EXD3: variants seen among roughly 807,000 people sequenced by gnomAD.
The protein encoded by EXD3 is exonuclease 3'-5' domain containing 3.
Under a neutral mutation model 98.0 loss-of-function variants are expected in EXD3, and 92 were observed. That is an observed-to-expected ratio of 0.94 (90% confidence interval 0.79 to 1.12). The LOEUF is 1.12. Ranked by LOEUF, EXD3 falls within the 50% of genes most tolerant of loss-of-function variation. The pLI, the probability that EXD3 is intolerant of heterozygous loss-of-function variation, is 0.00. For synonymous variants in EXD3, 569 were observed against 526.0 expected, an observed-to-expected ratio of 1.08 and a Z score of -1.12; for missense variants, 1,222 against 1,191.6, an observed-to-expected ratio of 1.03 and a Z score of -0.38.
At chr9:137,312,951 C>T (rs1326941882) in intron 19 of EXD3, among the ~76,000 whole-genome samples, 2 of 152,206 alleles carry the variant, frequency 1.3e-5, no homozygotes, top group African/African-American at 2.4e-5. Flanking sequence ...GTCACACCCA[C>T]TGCCCCAGGC....
chr9:137,411,047 C>T (rs910487450), intron 1 of EXD3, among the ~76,000 whole-genome samples: 3 of 152,202 alleles, frequency 2.0e-5, no homozygotes, highest in South Asian at 2.1e-4. Context: ...CTGCCCTGTG[C>T]GCTGAGCAGG....
rs201023361 is a variant in EXD3 at position 137,324,108 on chromosome 9, C to T, written c.2034G>A (p.Ser678=). 332 of 1,588,372 alleles carry T rather than the reference C, an allele frequency of 2.1e-4. 1 individual carries two copies. In the African/African-American group the frequency reaches 3.8e-3, roughly 18 times the overall value. ...ARQEGRIILT[S]GQPFHKLRAQ... ...CACTCACCTTGTGGAATGGCTGCCC[C>T]GACGTCAGAATGATCCTCCCCTCCT... The change falls in exon 18 of 22, where the codon TCG becomes TCA. Residue 678 remains serine (S), a synonymous_variant. Coordinates refer to ENST00000340951, the MANE Select transcript of EXD3 (RefSeq NM_017820.5). The surrounding 1 kb of genome is among the most constrained non-coding windows in gnomAD (Gnocchi z 4.1).
At chr9:137,354,932 G>T (rs1380270719) in intron 8 of EXD3, among the ~76,000 whole-genome samples, 159 bp from the exon 9 acceptor site, 1 of 152,176 alleles carries the variant, frequency 6.6e-6, no homozygotes, top group Non-Finnish European at 1.5e-5. Context: ...CTGGGCCTCT[G>T]CTGGGGTCCA....
intron 10 of EXD3, 94 bp downstream of exon 10, chr9:137,354,245 C>G (rs1834484311): frequency 6.5e-7 from 1 of 1,541,618 alleles, no homozygotes; most frequent in Admixed American, 1.9e-5. Context: ...AAGGCCTCAG[C>G]TCTGCGCACT....
chr9:137,421,132 A>C (rs1838493786), intron 1 of EXD3, among the ~76,000 whole-genome samples: 1 of 152,158 alleles, frequency 6.6e-6, no homozygotes, highest in Non-Finnish European at 1.5e-5. Flanking sequence ...TGGCTTTTAA[A>C]GGTCTATTCT....
chr9:137,383,163 C>T (rs759127280), intron 3 of EXD3, 150 bp downstream of exon 3: 24 of 629,370 alleles, frequency 3.8e-5, no homozygotes, highest in Non-Finnish European at 5.9e-5. Flanking sequence ...ACCCTGGAGG[C>T]GGTCTGGGGC....
rs1258948665 is a variant in EXD3, at chr9:137,371,265, GA to G, written c.462+1639del. On this transcript the variant is annotated intron_variant, in intron 5 of 21. Coordinates refer to ENST00000340951, the MANE Select transcript of EXD3 (RefSeq NM_017820.5). This position sits in a 1 kb window ranked among gnomAD's most constrained non-coding sequence, Gnocchi z 8.0. ...GCCGCCATTCAGCGTCGCGCCACAT[GA>G]GGGGGACCCTCCATCCTGCATTGTC... Among the ~76,000 whole-genome samples the G allele has an allele frequency of 6.6e-6, 1 of 152,234 alleles. No homozygotes were observed. Among genetic ancestry groups the G allele is most frequent in the Non-Finnish European group, 1.5e-5 (1 of 68,038 alleles).
At chr9:137,381,765 G>T (rs908706237) in intron 3 of EXD3, among the ~76,000 whole-genome samples, 1 of 152,172 alleles carries the variant, frequency 6.6e-6, no homozygotes, top group Non-Finnish European at 1.5e-5. Context: ...CCATATGGGG[G>T]TCCCCAAGAC....
rs550194082 is a variant in EXD3, at chr9:137,307,496, C to T, written c.2317+112G>A. On this transcript the variant is annotated intron_variant, in intron 21 of 21. Coordinates refer to ENST00000340951, the MANE Select transcript of EXD3 (RefSeq NM_017820.5). ...GCAGGCCCTAGGGCCTACAGGAGCCCCACAGAGCCCCCTCTGCCCGGCCGG... is the reference window on the plus strand; with the variant it reads ...GCAGGCCCTAGGGCCTACAGGAGCCTCACAGAGCCCCCTCTGCCCGGCCGG... The T allele has an allele frequency of 1.2e-4, 177 of 1,416,960 alleles. 1 individual carries two copies. The African/African-American group carries it at 1.5e-3, about 12-fold the overall frequency. The allele number at this position is 1,416,960 out of a possible 1,614,324, so 87.8% of individuals were successfully genotyped here. A position where few individuals can be genotyped will look rare whatever the true frequency, so the allele number is the denominator to read the frequency against.
At chr9:137,399,238 C>G (rs1324007025) in intron 1 of EXD3, among the ~76,000 whole-genome samples, 1 of 152,212 alleles carries the variant, frequency 6.6e-6, no homozygotes, top group Non-Finnish European at 1.5e-5. Context: ...GTGCCAGCAT[C>G]TTCTGGGGAG....
chr9:137,354,602 T>C lies in EXD3; in HGVS notation c.831+98A>G. On this transcript the variant is annotated intron_variant, in intron 9 of 21. Coordinates refer to ENST00000340951, the MANE Select transcript of EXD3 (RefSeq NM_017820.5). ...GGCAAGAAGCAGCTCCTACTTGATATGTCTGTGCACCCTGCAGTGCGCAGT... is the reference window on the plus strand; with the variant it reads ...GGCAAGAAGCAGCTCCTACTTGATACGTCTGTGCACCCTGCAGTGCGCAGT... The C allele has an allele frequency of 1.9e-6, 3 of 1,568,098 alleles. 1 individual carries two copies. The highest frequency in any genetic ancestry group is 2.3e-5 in the South Asian group (2 of 87,032).
intron 19 of EXD3, among the ~76,000 whole-genome samples, chr9:137,313,693 CA>C (rs1173210840): frequency 6.6e-6 from 1 of 152,148 alleles, no homozygotes; most frequent in African/African-American, 2.4e-5. Flanking sequence ...CAGGAGTTGC[CA>C]ACCTGGGATT....
At chr9:137,321,196 TG>T (rs1832014988) in intron 19 of EXD3, among the ~76,000 whole-genome samples, 1 of 152,188 alleles carries the variant, frequency 6.6e-6, no homozygotes, top group African/African-American at 2.4e-5. Flanking sequence ...CCTGAGGCTG[TG>T]GGGGCAGAAG....
chr9:137,419,896 A>C (rs889159762), intron 1 of EXD3, among the ~76,000 whole-genome samples: 44 of 152,160 alleles, frequency 2.9e-4, no homozygotes, highest in Non-Finnish European at 1.5e-4. Flanking sequence ...GCGGTGGCTC[A>C]TGCCTGTAAT....
In EXD3 at chr9:137,328,638, G is replaced by A. The variant is rs1341604533; in HGVS notation, c.1999-4495C>T. On this transcript the variant is annotated intron_variant, in intron 17 of 21. Transcript: ENST00000340951. Reference sequence around the variant, plus strand: ...TACACGGGACTACACGGGACTACACGGGGCTACACGGGACTACACGGGACT... The same window carrying A: ...TACACGGGACTACACGGGACTACACAGGGCTACACGGGACTACACGGGACT... Among the ~76,000 whole-genome samples, 25 of 77,672 alleles carry A rather than the reference G, an allele frequency of 3.2e-4. No homozygotes were observed. In the East Asian group the frequency reaches 3.9e-3, roughly 12 times the overall value. 51.0% of individuals were successfully genotyped at this position (77,672 alleles called of 152,430 possible).
At chr9:137,421,469 C>G (rs1838508740) in intron 1 of EXD3, among the ~76,000 whole-genome samples, 1 of 152,212 alleles carries the variant, frequency 6.6e-6, no homozygotes, top group African/African-American at 2.4e-5. Context: ...TTACTGGATT[C>G]TAGCCCTGAT....
At position 137,349,296 on chromosome 9, in the gene EXD3, C is replaced by G. The variant is rs750232963; in HGVS notation, c.1658-14G>C. 5 of 1,556,432 alleles carry G rather than the reference C, an allele frequency of 3.2e-6. No homozygotes were observed. The highest frequency in any genetic ancestry group is 4.3e-6 in the Non-Finnish European group (5 of 1,156,684). ...AGGCGTCGGCAGCTGTGTGGGGAGT[C>G]GGCCTCAGCCTCCCGGGACAGAGGG... On this transcript the variant is annotated splice_polypyrimidine_tract_variant and intron_variant, in intron 15 of 21. Transcript: ENST00000340951. The surrounding 1 kb of genome is among the most constrained non-coding windows in gnomAD (Gnocchi z 7.4).
Position 137,351,364 on chromosome 9 carries a change from G to A in EXD3, c.1338C>T (p.Ser446=), listed in dbSNP as rs750056988. The part of the protein sequence containing the change: ...PPTGQGAQAF[S]RLVAQLLSDP... ...CCGAGAGGAGCTGGGCCACCAGCCG[G>A]GAAAAGGCCTGGGCTCCCTGCCCTG... Residue 446 remains serine (S), a synonymous_variant, in exon 13 of 22, where the codon TCC becomes TCT. Transcript: ENST00000340951. The A allele has an allele frequency of 4.3e-6, 7 of 1,611,996 alleles. No individual in the cohort carries two copies. Among genetic ancestry groups the A allele is most frequent in the Non-Finnish European group, 5.9e-6 (7 of 1,179,634 alleles).
At chr9:137,337,007 C>A (rs75524368) in intron 17 of EXD3, among the ~76,000 whole-genome samples, 2,687 of 151,798 alleles carry the variant, frequency 0.018, 44 homozygotes, top group Middle Eastern at 0.037. Flanking sequence ...AAACAGTTTA[C>A]AAGAAACACA....
Sources: gnomAD v4.1 joint callset for allele counts (sites outside exome capture counted in the v4.1 genomes callset) on GRCh38, gnomAD v4.1.1 for gene constraint, Gnocchi (gnomAD v3.1) non-coding constraint, MANE v1.5 for transcripts, NCBI Gene and HGNC (gene_info 2026-07-23, HGNC 2026-07-21) for gene names.